SFMBT2: variants seen among roughly 807,000 people sequenced by gnomAD.
SFMBT2 encodes Scm like with four mbt domains 2.
SFMBT2 carries 38 observed loss-of-function variants against 110.1 expected under a neutral mutation model. The observed-to-expected ratio is 0.35, with a 90% confidence interval of 0.27 to 0.45. The LOEUF (loss-of-function observed/expected upper bound fraction) is 0.45. Ranked by LOEUF, SFMBT2 falls within the 20% of genes least tolerant of loss-of-function variation. The pLI, the probability that SFMBT2 is intolerant of heterozygous loss-of-function variation, is 1.00. For missense variants in SFMBT2, 1,011 were observed against 1,094.9 expected, an observed-to-expected ratio of 0.92 and a Z score of 1.08; for synonymous variants, 425 against 425.4, an observed-to-expected ratio of 1.00 and a Z score of 0.01.
At chr10:7,216,941 G>A (rs1839562997) in intron 11 of SFMBT2, among the ~76,000 whole-genome samples, 1 of 152,162 alleles carries the variant, frequency 6.6e-6, no homozygotes, top group African/African-American at 2.4e-5. Flanking sequence ...TTAACAACAA[G>A]CCACCTACAA....
At chr10:7,331,870 C>T (rs188189434) in intron 4 of SFMBT2, among the ~76,000 whole-genome samples, 5 of 151,982 alleles carry the variant, frequency 3.3e-5, no homozygotes, top group African/African-American at 7.2e-5. Context: ...ATTAGCCGGG[C>T]GTGGTGGTGC....
chr10:7,278,188 T>C (rs1841841469), intron 6 of SFMBT2, among the ~76,000 whole-genome samples: 1 of 152,168 alleles, frequency 6.6e-6, no homozygotes, highest in Non-Finnish European at 1.5e-5. Context: ...TAAATTCTTC[T>C]TAGTAGTAGC....
At chr10:7,200,917 C>T (rs930648708) in intron 13 of SFMBT2, 29 of 777,304 alleles carry the variant, frequency 3.7e-5, no homozygotes, top group South Asian at 5.9e-5. Context: ...CCTCCGGGCC[C>T]GCGGGAGTCA....
At chr10:7,181,947 A>T (rs1359890499) in intron 16 of SFMBT2, among the ~76,000 whole-genome samples, 1 of 152,228 alleles carries the variant, frequency 6.6e-6, no homozygotes, top group Non-Finnish European at 1.5e-5. Context: ...ACAGCATTTG[A>T]TCACTTGATC....
chr10:7,172,343 T>C lies in SFMBT2; in HGVS notation c.2151+152A>G. The C allele has an allele frequency of 1.4e-6, 2 of 1,478,674 alleles. No homozygotes were observed. Among genetic ancestry groups the C allele is most frequent in the Non-Finnish European group, 1.8e-6 (2 of 1,117,132 alleles). 91.6% of individuals were successfully genotyped at this position (1,478,674 alleles called of 1,614,324 possible). On this transcript the variant is annotated intron_variant, in intron 18 of 20. Transcript: ENST00000397167. This position sits in a 1 kb window ranked among gnomAD's most constrained non-coding sequence, Gnocchi z 4.6. ...AGCAGCTGGACACACTACATTTGTT[T>C]TCAGCAAGTAAGGAGGAGGGGGCTC...
intron 10 of SFMBT2, 108 bp downstream of exon 10, chr10:7,227,747 T>C: frequency 1.1e-6 from 1 of 876,980 alleles, no homozygotes; most frequent in Non-Finnish European, 1.8e-6. Context: ...AGTTCTCCAG[T>C]GCACTGTAAT....
rs527666307 is a variant in SFMBT2, at chr10:7,284,498, G to C, written c.526-348C>G. ...AGAAGAGTTCTACCCAAATTTGCCT[G>C]GACCTAGAAAACGTGGTAGCAAACG... is the stretch of plus-strand genomic sequence containing the variant. On this transcript the variant is annotated intron_variant, in intron 5 of 20. Transcript: ENST00000397167. 112 of 920,838 alleles carry C rather than the reference G, an allele frequency of 1.2e-4. No individual in the cohort carries two copies. The African/African-American group carries it at 1.9e-3, about 16-fold the overall frequency. 57.0% of individuals were successfully genotyped at this position (920,838 alleles called of 1,614,324 possible).
chr10:7,225,675 GGAACAGAGGACT>G (rs1839878833), intron 10 of SFMBT2, among the ~76,000 whole-genome samples: 1 of 152,072 alleles, frequency 6.6e-6, no homozygotes, highest in Non-Finnish European at 1.5e-5. Context: ...GCTGCGAATG[GGAACAGAGGACT>G]GATAAAAAGA....
Position 7,228,671 on chromosome 10 carries a change from GCTTCTTTCTTT to G in SFMBT2, c.1121-745_1121-735del, listed in dbSNP as rs1839973928. Among the ~76,000 whole-genome samples the G allele has an allele frequency of 2.9e-5, 4 of 139,062 alleles. No individual in the cohort carries two copies. The South Asian group carries it at 7.0e-4, about 24-fold the overall frequency. The allele number at this position is 139,062 out of a possible 152,430, so 91.2% of individuals were successfully genotyped here. A position where few individuals can be genotyped will look rare whatever the true frequency, so the allele number is the denominator to read the frequency against. On this transcript the variant is annotated intron_variant, in intron 9 of 20. Transcript: ENST00000397167. ...ACCAACTACAGATCCTACTAAAGTGGCTTCTTTCTTTCTTTCTTTCTTTCTTTCTTTCTTTC... is the reference window on the plus strand; with the variant it reads ...ACCAACTACAGATCCTACTAAAGTGGCTTTCTTTCTTTCTTTCTTTCTTTC...
Position 7,171,876 on chromosome 10 carries a change from C to A in SFMBT2, c.2415+19G>T. ...TCAGACCCAGCGGGAAGCCCTCTGT[C>A]CCCACGCCCGGGCATCACCTCTGTC... On this transcript the variant is annotated intron_variant, in intron 19 of 20. Transcript: ENST00000397167. This position sits in a 1 kb window ranked among gnomAD's most constrained non-coding sequence, Gnocchi z 4.9. 7.1e-7 allele frequency: 1 copy of A among 1,409,926 alleles called. No homozygotes were observed. The highest frequency in any genetic ancestry group is 9.2e-7 in the Non-Finnish European group (1 of 1,084,918). 87.3% of individuals were successfully genotyped at this position (1,409,926 alleles called of 1,614,324 possible). A position where few individuals can be genotyped will look rare whatever the true frequency, so the allele number is the denominator to read the frequency against.
At position 7,272,919 on chromosome 10, in the gene SFMBT2, A is replaced by G. The variant is rs191759809; in HGVS notation, c.870+3973T>C. 3.3e-5 allele frequency among the ~76,000 whole-genome samples: 5 copies of G among 152,280 alleles called. No homozygotes were observed. The East Asian group carries it at 9.6e-4, about 29-fold the overall frequency. ...GGAATCCTCCTGCCTCAGCCTCCTG[A>G]GTAGCTGGGATTACAGATGCATGCC... On this transcript the variant is annotated intron_variant, in intron 7 of 20. Transcript: ENST00000397167.
At position 7,410,999 on chromosome 10, in the gene SFMBT2, C is replaced by A. The variant is rs914148716; in HGVS notation, c.-190G>T. 1.3e-5 allele frequency among the ~76,000 whole-genome samples: 2 copies of A among 150,326 alleles called. No homozygotes were observed. Among genetic ancestry groups the A allele is most frequent in the Non-Finnish European group, 3.0e-5 (2 of 67,516 alleles). On this transcript the variant is annotated 5_prime_UTR_variant, in exon 1 of 21. An upstream open reading frame in the 5' UTR gains an earlier in-frame stop. Coordinates refer to ENST00000397167, the MANE Select transcript of SFMBT2 (RefSeq NM_001387889.1). ...CGCCGCCTCCCTCGCGCGCCCGCTC[C>A]GGTCCTCCGGCTCCCACTACAGCTC... is the stretch of plus-strand genomic sequence containing the variant.
intron 4 of SFMBT2, among the ~76,000 whole-genome samples, chr10:7,347,909 A>G (rs1413488673): frequency 1.3e-5 from 2 of 152,186 alleles, no homozygotes; most frequent in Non-Finnish European, 2.9e-5. Flanking sequence ...AACTGAAAAA[A>G]CCATTAACGG....
chr10:7,409,602 T>C (rs1432343877), intron 1 of SFMBT2, among the ~76,000 whole-genome samples: 3 of 148,366 alleles, frequency 2.0e-5, no homozygotes, highest in South Asian at 2.2e-4. Flanking sequence ...TCCATCCCTT[T>C]CCCCCCTAGC....
At chr10:7,283,456 G>A (rs1470537265) in intron 6 of SFMBT2, among the ~76,000 whole-genome samples, 1 of 150,638 alleles carries the variant, frequency 6.6e-6, no homozygotes, top group African/African-American at 2.5e-5. Context: ...ATGGATAGGT[G>A]GATGAATGGA....
intron 1 of SFMBT2, among the ~76,000 whole-genome samples, chr10:7,399,713 C>T (rs1846021979): frequency 6.6e-6 from 1 of 152,324 alleles, no homozygotes; most frequent in Admixed American, 6.5e-5. Context: ...AACGTCTTAT[C>T]AGGCACCAGA....
chr10:7,205,787 C>T (rs1236481021), intron 12 of SFMBT2, 28 bp downstream of exon 12: 3 of 1,606,600 alleles, frequency 1.9e-6, no homozygotes, highest in East Asian at 2.2e-5. Context: ...TGGTGTCATC[C>T]ACCCCCCCTC....
At position 7,303,011 on chromosome 10, in the gene SFMBT2, TAAA is replaced by T. The variant is rs34419665; in HGVS notation, c.437-17060_437-17058del. 1.3e-3 allele frequency among the ~76,000 whole-genome samples: 195 copies of T among 150,450 alleles called. 1 individual carries two copies. The highest frequency in any genetic ancestry group is 4.7e-3 in the South Asian group (22 of 4,728). On this transcript the variant is annotated intron_variant, in intron 4 of 20. Coordinates refer to ENST00000397167, the MANE Select transcript of SFMBT2 (RefSeq NM_001387889.1). ...AAACTTTGCAAAAGGGTTACAATGT[TAAA>T]AAAAAAAAAATGCTGCACCTGTAGC...
Position 7,172,194 on chromosome 10 carries a change from G to A in SFMBT2, c.2152-36C>T. 1.3e-6 allele frequency: 2 copies of A among 1,520,694 alleles called. No homozygotes were observed. The highest frequency in any genetic ancestry group is 2.6e-5 in the South Asian group (2 of 76,600). The allele number at this position is 1,520,694 out of a possible 1,614,324, so 94.2% of individuals were successfully genotyped here. On this transcript the variant is annotated intron_variant, in intron 18 of 20. Coordinates refer to ENST00000397167, the MANE Select transcript of SFMBT2 (RefSeq NM_001387889.1). This position sits in a 1 kb window ranked among gnomAD's most constrained non-coding sequence, Gnocchi z 4.6. ...GGAAAAGGCATTTAAGGGGCTGGTG[G>A]CCCGGGGGCCTGTAGCGGTGGCCCC... is the stretch of plus-strand genomic sequence containing the variant.
Sources: allele counts gnomAD v4.1 joint callset (sites outside exome capture counted in the v4.1 genomes callset), GRCh38; gene constraint gnomAD v4.1.1; non-coding constraint Gnocchi (gnomAD v3.1); transcripts MANE v1.5; gene names NCBI Gene and HGNC (gene_info 2026-07-23, HGNC 2026-07-21).